The following GNB2 variants were observed in gnomAD, a reference collection of about 807,000 sequenced individuals.
GNB2 encodes the protein guanine nucleotide-binding protein G(I)/G(S)/G(T) subunit beta-2.
GNB2 carries 7 observed loss-of-function variants against 40.7 expected under a neutral mutation model. The ratio of observed to expected loss-of-function variants is 0.17; its 90% CI spans 0.10 to 0.32. GNB2 has a LOEUF of 0.32. Ranked by LOEUF, GNB2 falls within the 10% of genes least tolerant of loss-of-function variation. The pLI is 1.00. For missense variants in GNB2, 286 were observed against 473.0 expected, an observed-to-expected ratio of 0.60 and a Z score of 3.67; for synonymous variants, 254 against 191.2, an observed-to-expected ratio of 1.33 and a Z score of -2.71.
At position 100,678,895 on chromosome 7, in the gene GNB2, T is replaced by C. The variant is rs1315902655; in HGVS notation, c.*94T>C. ...CGGGGCTGGCGCAATCCCAGCCCCC[T>C]TCCCCGGGCCACGGGGCCTTGGGTC... On this transcript the variant is annotated 3_prime_UTR_variant, in exon 10 of 10. Transcript: ENST00000303210. 1 of 992,940 alleles carries C rather than the reference T, an allele frequency of 1.0e-6. No individual in the cohort carries two copies. The highest frequency in any genetic ancestry group is 1.5e-6 in the Non-Finnish European group (1 of 658,234). 61.5% of individuals were successfully genotyped at this position (992,940 alleles called of 1,614,324 possible). A position where few individuals can be genotyped will look rare whatever the true frequency, so the allele number is the denominator to read the frequency against.
intron 1 of GNB2, 196 bp from the exon 2 acceptor site, chr7:100,675,981 C>G (rs1370675984): frequency 2.3e-6 from 1 of 433,650 alleles, no homozygotes; most frequent in East Asian, 4.0e-5. Flanking sequence ...TTCCGGGGGG[C>G]GGGAGGAAGA....
intron 1 of GNB2, among the ~76,000 whole-genome samples, chr7:100,674,396 C>T (rs1176231385): frequency 6.6e-6 from 1 of 152,198 alleles, no homozygotes; most frequent in Non-Finnish European, 1.5e-5. Flanking sequence ...CGTCTCCACC[C>T]TACCCACGAT....
chr7:100,677,676 C>A lies in GNB2; in HGVS notation c.430+16C>A. ...GGCCACACTGGTGAGGGGCCTGGCC[C>A]AGTTCGGGCCCTTTTTGGGGTTGGG... is the stretch of plus-strand genomic sequence containing the variant. On this transcript the variant is annotated intron_variant, in intron 6 of 9. Coordinates refer to ENST00000303210, the MANE Select transcript of GNB2 (RefSeq NM_005273.4). 6.2e-7 allele frequency: 1 copy of A among 1,613,118 alleles called. No individual in the cohort carries two copies. Among genetic ancestry groups the A allele is most frequent in the South Asian group, 1.1e-5 (1 of 91,042 alleles).
chr7:100,676,367 G>A (rs1451594172), intron 2 of GNB2, 45 bp downstream of exon 2: 11 of 1,527,310 alleles, frequency 7.2e-6, no homozygotes, highest in African/African-American at 2.7e-5. Context: ...TACACCGCCC[G>A]GTGCCCTGGA....
Position 100,677,741 on chromosome 7 carries a change from T to C in GNB2, c.431-11T>C, listed in dbSNP as rs1247464773. 6.2e-7 allele frequency: 1 copy of C among 1,613,602 alleles called. No homozygotes were observed. Among genetic ancestry groups the C allele is most frequent in the Non-Finnish European group, 8.5e-7 (1 of 1,179,944 alleles). ...CCGTGTGGAGACCTGGCTGACCAGC[T>C]CCTTCCCCAGGGTACCTGTCGTGTT... On this transcript the variant is annotated splice_polypyrimidine_tract_variant and intron_variant, in intron 6 of 9. Transcript: ENST00000303210.
rs1053040990 is a variant in GNB2, at chr7:100,679,059, G to T, written c.*258G>T. 1.3e-5 allele frequency: 6 copies of T among 449,798 alleles called. No homozygotes were observed. Among genetic ancestry groups the T allele is most frequent in the East Asian group, 3.3e-5 (1 of 30,620 alleles). 27.9% of individuals were successfully genotyped at this position (449,798 alleles called of 1,614,324 possible). On this transcript the variant is annotated 3_prime_UTR_variant, in exon 10 of 10. Coordinates refer to ENST00000303210, the MANE Select transcript of GNB2 (RefSeq NM_005273.4). Reference sequence around the variant, plus strand: ...GGTTGGGGCCTCACCCCTCTGGAGGGCCGGAGGCAGGAGGTGGAAACCCCA... The same window carrying T: ...GGTTGGGGCCTCACCCCTCTGGAGGTCCGGAGGCAGGAGGTGGAAACCCCA...
At position 100,678,905 on chromosome 7, in the gene GNB2, C is replaced by A; in HGVS notation, c.*104C>A. On this transcript the variant is annotated 3_prime_UTR_variant, in exon 10 of 10. Coordinates refer to ENST00000303210, the MANE Select transcript of GNB2 (RefSeq NM_005273.4). The stretch of plus-strand genomic sequence containing the variant: ...GCAATCCCAGCCCCCTTCCCCGGGC[C>A]ACGGGGCCTTGGGTCCCTGCCCTCC... 1.1e-6 allele frequency: 1 copy of A among 905,124 alleles called. No individual in the cohort carries two copies. Among genetic ancestry groups the A allele is most frequent in the Non-Finnish European group, 1.7e-6 (1 of 586,782 alleles). 56.1% of individuals were successfully genotyped at this position (905,124 alleles called of 1,614,324 possible).
intron 7 of GNB2, 87 bp downstream of exon 7, chr7:100,677,905 GCACCGTAGCCTC>G: frequency 8.1e-7 from 1 of 1,231,008 alleles, no homozygotes; most frequent in South Asian, 1.3e-5. Context: ...CATGCAGCAT[GCACCGTAGCCTC>G]CCTCTCCTGG....
Position 100,676,573 on chromosome 7 carries a change from G to T in GNB2, c.96G>T (p.Gln32His). The T allele has an allele frequency of 6.2e-7, 1 of 1,609,820 alleles. No homozygotes were observed. Among genetic ancestry groups the T allele is most frequent in the Non-Finnish European group, 8.5e-7 (1 of 1,176,066 alleles). ...CATGTGGGGACTCAACACTGACCCA[G>T]GTGAGGGCACTTGGTGGCCAGAGCG... is the stretch of plus-strand genomic sequence containing the variant. ...RKACGDSTLT[Q>H]ITAGLDPVGR... The change falls in exon 3 of 10, where the codon CAG becomes CAT. Residue 32 changes from glutamine to histidine, a missense_variant and splice_region_variant. Gln to His is a conservative substitution (Grantham distance 24). Transcript: ENST00000303210.
At chr7:100,674,226 C>T (rs1244784454) in intron 1 of GNB2, among the ~76,000 whole-genome samples, 2 of 151,840 alleles carry the variant, frequency 1.3e-5, no homozygotes, top group South Asian at 2.1e-4. Context: ...TTCCGGGCTT[C>T]CTCTAGGCCC....
At position 100,678,310 on chromosome 7, in the gene GNB2, G is replaced by A. The variant is rs775247316; in HGVS notation, c.699+11G>A. ...ATCAATGCAGTGGCTGTGAGTTTTGGGGCGAGCTAGGCCAGGCCCTCCCCA... is the reference window on the plus strand; with the variant it reads ...ATCAATGCAGTGGCTGTGAGTTTTGAGGCGAGCTAGGCCAGGCCCTCCCCA... On this transcript the variant is annotated intron_variant, in intron 8 of 9. Transcript: ENST00000303210. 6.2e-7 allele frequency: 1 copy of A among 1,611,776 alleles called. No homozygotes were observed. The highest frequency in any genetic ancestry group is 1.7e-5 in the Admixed American group (1 of 60,006).
intron 1 of GNB2, 65 bp from the exon 2 acceptor site, chr7:100,676,112 C>T: frequency 1.8e-6 from 1 of 552,340 alleles, no homozygotes; most frequent in Non-Finnish European, 3.2e-6. Context: ...GGCCGCGCTG[C>T]AACCCCGCCT....
At position 100,678,177 on chromosome 7, in the gene GNB2, G is replaced by T. The variant is rs769501179; in HGVS notation, c.577G>T (p.Ala193Ser). 18 of 1,613,852 alleles carry T rather than the reference G, an allele frequency of 1.1e-5. No homozygotes were observed. Among genetic ancestry groups the T allele is most frequent in the Admixed American group, 1.7e-5 (1 of 60,024 alleles). The change falls in exon 8 of 10, where the codon GCC (alanine) becomes TCC (serine). Residue 193 changes from alanine to serine, a missense_variant. Transcript: ENST00000303210. The part of the protein sequence containing the change: ...HSGDVMSLSL[A>S]PDGRTFVSGA... The stretch of plus-strand genomic sequence containing the variant: ...TGGGGATGTGATGTCCCTGTCCCTG[G>T]CCCCCGATGGCCGCACGTTTGTGTC...
In GNB2 at chr7:100,676,740, G is replaced by A. The variant is rs771765314; in HGVS notation, c.144G>A (p.Arg48=). The part of the protein sequence containing the change: ...DPVGRIQMRT[R]RTLRGHLAKI... ...TGGGGAGAATCCAGATGAGGACCCG[G>A]AGGACCCTCCGTGGGCACCTGGCAA... The change falls in exon 4 of 10, where the codon CGG becomes CGA. Residue 48 remains arginine (R), a synonymous_variant. Transcript: ENST00000303210. 3.5e-5 allele frequency: 57 copies of A among 1,609,802 alleles called. No homozygotes were observed. Among genetic ancestry groups the A allele is most frequent in the Non-Finnish European group, 3.9e-5 (46 of 1,178,226 alleles).
intron 7 of GNB2, 52 bp downstream of exon 7, chr7:100,677,870 CAG>C (rs747447695): frequency 3.4e-6 from 5 of 1,476,568 alleles, no homozygotes; most frequent in African/African-American, 1.4e-5. Flanking sequence ...CTTCCTGCCT[CAG>C]GGGCCACCGT....
intron 4 of GNB2, 86 bp from the exon 5 acceptor site, chr7:100,677,266 G>C: frequency 9.6e-7 from 1 of 1,038,810 alleles, no homozygotes; most frequent in Non-Finnish European, 1.5e-6. Context: ...AACAGAGAGA[G>C]ACCCTACCTT....
chr7:100,676,097 T>A, intron 1 of GNB2, 80 bp from the exon 2 acceptor site: 1 of 511,622 alleles, frequency 2.0e-6, no homozygotes, highest in Non-Finnish European at 3.4e-6. Flanking sequence ...TGCTTACCCC[T>A]TCCGGGCCGC....
In GNB2 at chr7:100,678,576, A is replaced by G; in HGVS notation, c.878A>G (p.Asn293Ser). ...CTGCTCGCTGGCTACGACGACTTCA[A>G]CTGCAACATCTGGGATGCCATGAAG... The part of the protein sequence containing the change: ...RLLLAGYDDF[N>S]CNIWDAMKGD... The change falls in exon 9 of 10, where the codon AAC (asparagine) becomes AGC (serine). Residue 293 changes from asparagine (N) to serine (S), a missense_variant. Asn to Ser is a conservative substitution (Grantham distance 46). Transcript: ENST00000303210. 10 of 1,613,816 alleles carry G rather than the reference A, an allele frequency of 6.2e-6. No homozygotes were observed. Among genetic ancestry groups the G allele is most frequent in the Non-Finnish European group, 8.5e-6 (10 of 1,179,996 alleles).
rs772067269 is a variant in GNB2, at chr7:100,678,307, T to C, written c.699+8T>C. ...GACATCAATGCAGTGGCTGTGAGTT[T>C]TGGGGCGAGCTAGGCCAGGCCCTCC... On this transcript the variant is annotated splice_region_variant and intron_variant, in intron 8 of 9. Transcript: ENST00000303210. 5 of 1,612,628 alleles carry C rather than the reference T, an allele frequency of 3.1e-6. No homozygotes were observed. The Admixed American group carries it at 6.7e-5, about 21-fold the overall frequency.
Sources: gnomAD v4.1 joint callset for allele counts (sites outside exome capture counted in the v4.1 genomes callset) on GRCh38, gnomAD v4.1.1 for gene constraint, MANE v1.5 for transcripts, NCBI Gene and HGNC (gene_info 2026-07-23, HGNC 2026-07-21) for gene names.